Variants in CCNF observed in about 807,000 individuals in gnomAD.
CCNF encodes the protein cyclin F, also known as cyclin-F.
A neutral mutation model predicts 85.4 loss-of-function variants in CCNF; 30 were observed. That is an observed-to-expected ratio of 0.35 (90% confidence interval 0.26 to 0.48). The LOEUF is 0.48. CCNF is among the 20% of genes least tolerant of loss of function. The probability of loss-of-function intolerance (pLI) is 0.99; values close to 1 mark genes in which losing one functional copy is unlikely to be tolerated. For missense variants in CCNF, 919 were observed against 1,010.4 expected (o/e 0.91, Z 1.23); for synonymous variants, 439 against 425.1 (o/e 1.03, Z -0.40).
intron 2 of CCNF, among the ~76,000 whole-genome samples, chr16:2,431,845 T>TG (rs1157912209): frequency 6.6e-6 from 1 of 151,162 alleles, no homozygotes; most frequent in Non-Finnish European, 1.5e-5. Context: ...CCTTTTTTTT[T>TG]TTTGAGACAG....
chr16:2,445,372 T>C (rs2065355756), intron 9 of CCNF, 86 bp from the exon 10 acceptor site: 1 of 1,451,168 alleles, frequency 6.9e-7, no homozygotes, highest in African/African-American at 1.4e-5. Context: ...GCTTATTTGG[T>C]CGGGCCCAAC....
chr16:2,455,257 C>A, intron 15 of CCNF, 138 bp from the exon 16 acceptor site: 1 of 1,151,228 alleles, frequency 8.7e-7, no homozygotes, highest in Non-Finnish European at 1.2e-6. Context: ...GCTTCACCGG[C>A]ATCTTCTTCG....
intron 12 of CCNF, 131 bp from the exon 13 acceptor site, chr16:2,449,697 G>A (rs2065382921): frequency 2.7e-6 from 2 of 748,266 alleles, no homozygotes; most frequent in Non-Finnish European, 2.2e-6. Context: ...TGAGCTCCAA[G>A]AAACTCCACA....
chr16:2,456,944 A>G lies in CCNF; in HGVS notation c.2285A>G (p.Gln762Arg), dbSNP rs572221317. 21 of 1,613,896 alleles carry G rather than the reference A, an allele frequency of 1.3e-5. No homozygotes were observed. The South Asian group carries it at 2.0e-4, about 15-fold the overall frequency. Residue 762 changes from glutamine to arginine, a missense_variant, in exon 17 of 17, where the codon CAG becomes CGG. By Grantham distance (43) the Gln-to-Arg change is conservative (BLOSUM62 1). Transcript: ENST00000397066. This position sits in a 1 kb window ranked among gnomAD's most constrained non-coding sequence, Gnocchi z 4.5. ...AGTCCCCCGGAGAGCAGTGTTCCCC[A>G]GCAACAGGTGAAGCGGATAAACCTA... ...PPSPPESSVP[Q>R]QQVKRINLCI...
At chr16:2,437,101 C>T in intron 4 of CCNF, 28 bp from the exon 5 acceptor site, 1 of 1,529,128 alleles carries the variant, frequency 6.5e-7, no homozygotes, top group Admixed American at 1.9e-5. Flanking sequence ...AGAGACATCC[C>T]TGGGCTCTGT....
At chr16:2,437,056 C>A in intron 4 of CCNF, 73 bp from the exon 5 acceptor site, 1 of 1,332,796 alleles carries the variant, frequency 7.5e-7, no homozygotes, top group Non-Finnish European at 1.0e-6. Context: ...CACTTTCCAC[C>A]AAGACCATGG....
At chr16:2,438,243 C>T in intron 6 of CCNF, 120 bp downstream of exon 6, 1 of 804,896 alleles carries the variant, frequency 1.2e-6, no homozygotes, top group African/African-American at 1.7e-5. Context: ...CAAGCCTTGC[C>T]CAGAAAGGCC....
At chr16:2,432,892 A>G (rs1567382117) in intron 2 of CCNF, 69 bp from the exon 3 acceptor site, 2 of 909,312 alleles carry the variant, frequency 2.2e-6, no homozygotes, top group South Asian at 2.9e-5. Context: ...CTCGTCCTCA[A>G]GAGCCTCCAG....
intron 1 of CCNF, 168 bp from the exon 2 acceptor site, chr16:2,430,962 A>G (rs1253727083): frequency 1.0e-5 from 8 of 798,820 alleles, no homozygotes; most frequent in Middle Eastern, 2.8e-4. Flanking sequence ...ACTCCTTTAC[A>G]TAATCTTTGT....
At chr16:2,449,791 T>TCCATCCCCC (rs2065383922) in intron 12 of CCNF, 37 bp from the exon 13 acceptor site, 7 of 367,660 alleles carry the variant, frequency 1.9e-5, no homozygotes, top group Admixed American at 3.7e-5. Flanking sequence ...CTCCGTCCCC[T>TCCATCCCCC]CCATCCCCTC....
rs150447372 is a variant in CCNF, at chr16:2,449,414, C to G, written c.1351C>G (p.Arg451Gly). Residue 451 changes from arginine (R) to glycine (G), a missense_variant, in exon 12 of 17, where the codon CGC becomes GGC. Arg to Gly is a moderately radical substitution (Grantham distance 125). Transcript: ENST00000397066. ...CAGCCTGTCCGCCTACGCCCCAGCC[C>G]GCCTGGCTGCCGCAGCCCTGCTCCT... The part of the protein sequence containing the change: ...HTSLSAYAPA[R>G]LAAAALLLAR... 6.2e-7 allele frequency: 1 copy of G among 1,610,568 alleles called. No homozygotes were observed. Among genetic ancestry groups the G allele is most frequent in the Non-Finnish European group, 8.5e-7 (1 of 1,179,952 alleles).
chr16:2,444,581 T>A (rs2065351345), intron 9 of CCNF, among the ~76,000 whole-genome samples: 1 of 150,126 alleles, frequency 6.7e-6, no homozygotes, highest in Non-Finnish European at 1.5e-5. Flanking sequence ...ATTACAGGCG[T>A]GAGCCACCAC....
Position 2,453,117 on chromosome 16 carries a change from C to A in CCNF, c.1488-93C>A. On this transcript the variant is annotated intron_variant, in intron 13 of 16. Coordinates refer to ENST00000397066, the MANE Select transcript of CCNF (RefSeq NM_001761.3). The surrounding 1 kb of genome is among the most constrained non-coding windows in gnomAD (Gnocchi z 5.6). ...AGGTCAGATTCCAGAGTGACTGCAC[C>A]ATTTTGCATTCTCATTGCTCACTTC... The A allele has an allele frequency of 9.5e-7, 1 of 1,050,130 alleles. No homozygotes were observed. The highest frequency in any genetic ancestry group is 1.3e-5 in the South Asian group (1 of 77,402). The allele number at this position is 1,050,130 out of a possible 1,614,324, so 65.1% of individuals were successfully genotyped here. A position where few individuals can be genotyped will look rare whatever the true frequency, so the allele number is the denominator to read the frequency against.
At chr16:2,450,455 G>A (rs1478175627) in intron 13 of CCNF, among the ~76,000 whole-genome samples, 1 of 151,212 alleles carries the variant, frequency 6.6e-6, no homozygotes, top group Non-Finnish European at 1.5e-5. Flanking sequence ...AGGTTGCGGT[G>A]AGCCGAGATT....
In CCNF at chr16:2,453,195, T is replaced by C. The variant is rs769537549; in HGVS notation, c.1488-15T>C. 6.2e-7 allele frequency: 1 copy of C among 1,612,892 alleles called. No individual in the cohort carries two copies. ...GGGTGCCTCACATGTCCACTCCACG[T>C]GACTCTGTTTCCAGCTTCCATGATG... On this transcript the variant is annotated splice_polypyrimidine_tract_variant and intron_variant, in intron 13 of 16. Transcript: ENST00000397066. This position sits in a 1 kb window ranked among gnomAD's most constrained non-coding sequence, Gnocchi z 5.6.
In CCNF at chr16:2,443,799, A is replaced by C; in HGVS notation, c.928A>C (p.Arg310=). Residue 310 remains arginine, a splice_region_variant and synonymous_variant, in exon 9 of 17, where the codon AGG becomes CGG. Coordinates refer to ENST00000397066, the MANE Select transcript of CCNF (RefSeq NM_001761.3). The part of the protein sequence containing the change: ...SVQKGLNDTM[R]YILIDWLVEV... ...GCAGAAGGGACTCAATGACACAATG[A>C]GGTGAGGCATTCAGGCCGGGGCTTC... is the stretch of plus-strand genomic sequence containing the variant. The C allele has an allele frequency of 6.2e-7, 1 of 1,613,864 alleles. No homozygotes were observed. The highest frequency in any genetic ancestry group is 8.5e-7 in the Non-Finnish European group (1 of 1,179,826).
At chr16:2,449,157 G>T in intron 11 of CCNF, 125 bp from the exon 12 acceptor site, 1 of 1,437,558 alleles carries the variant, frequency 7.0e-7, no homozygotes. Context: ...ATCTGCGCTG[G>T]TGCGCTACGC....
At chr16:2,435,664 CACATATATATAT>C (rs1456208759) in intron 3 of CCNF, 130 bp from the exon 4 acceptor site, 71 of 165,482 alleles carry the variant, frequency 4.3e-4, no homozygotes, top group Middle Eastern at 2.8e-3. Flanking sequence ...TGCACACACA[CACATATATATAT>C]ATATATATAT....
In CCNF at chr16:2,456,514, A is replaced by G; in HGVS notation, c.1886-31A>G. 1 of 1,457,694 alleles carries G rather than the reference A, an allele frequency of 6.9e-7. No homozygotes were observed. Among genetic ancestry groups the G allele is most frequent in the South Asian group, 1.4e-5 (1 of 73,586 alleles). The allele number at this position is 1,457,694 out of a possible 1,614,324, so 90.3% of individuals were successfully genotyped here. ...GTCTCCCCTGATGCTTGGGTGTGAC[A>G]TGACTTCCCTCCCCACCAACCTTCC... On this transcript the variant is annotated intron_variant, in intron 16 of 16. Transcript: ENST00000397066. This position sits in a 1 kb window ranked among gnomAD's most constrained non-coding sequence, Gnocchi z 4.5.
Sources: allele counts gnomAD v4.1 joint callset (sites outside exome capture counted in the v4.1 genomes callset), GRCh38; gene constraint gnomAD v4.1.1; non-coding constraint Gnocchi (gnomAD v3.1); transcripts MANE v1.5; gene names NCBI Gene and HGNC (gene_info 2026-07-23, HGNC 2026-07-21).